The following PKD1L1 variants were observed in gnomAD, a reference collection of about 807,000 sequenced individuals.
PKD1L1 encodes the protein polycystin 1 like 1, transient receptor potential channel interacting.
A neutral mutation model predicts 323.4 loss-of-function variants in PKD1L1; 236 were observed. The ratio of observed to expected loss-of-function variants is 0.73; its 90% confidence interval spans 0.66 to 0.81. The LOEUF (loss-of-function observed/expected upper bound fraction) is 0.81. Among genes scored for constraint, PKD1L1 ranks in the 40% least tolerant of loss-of-function variants. The pLI is 0.00. For missense variants in PKD1L1, 3,320 were observed against 3,508.0 expected, an observed-to-expected ratio of 0.95 and a Z score of 1.35; for synonymous variants, 1,344 against 1,335.0, an observed-to-expected ratio of 1.01 and a Z score of -0.15.
intron 54 of PKD1L1, among the ~76,000 whole-genome samples, chr7:47,799,729 G>C (rs1402743078): frequency 6.6e-6 from 1 of 152,182 alleles, no homozygotes; most frequent in Admixed American, 6.5e-5. Flanking sequence ...GGGAAGGCAT[G>C]TTCAGTAAGT....
At position 47,790,136 on chromosome 7, in the gene PKD1L1, A is replaced by T. The variant is rs538912853; in HGVS notation, c.8526+2491T>A. Among the ~76,000 whole-genome samples, 13 of 151,968 alleles carry T rather than the reference A, an allele frequency of 8.6e-5. No homozygotes were observed. The East Asian group carries it at 2.3e-3, about 27-fold the overall frequency. On this transcript the variant is annotated intron_variant, in intron 56 of 56. Transcript: ENST00000289672. ...GATCTCCTGACCTTGTGATCCGCCC[A>T]CCTAGGCCTCCCGAAGTGCTATGAT...
intron 46 of PKD1L1, among the ~76,000 whole-genome samples, chr7:47,816,077 C>T (rs1009781996): frequency 1.8e-4 from 28 of 152,248 alleles, no homozygotes; most frequent in African/African-American, 6.3e-4. Flanking sequence ...AGAGGGAGCG[C>T]CGGGGCTAGG....
chr7:47,940,364 G>A (rs1484233233), intron 2 of PKD1L1, 47 bp from the exon 3 acceptor site: 3 of 1,581,682 alleles, frequency 1.9e-6, no homozygotes, highest in Non-Finnish European at 2.6e-6. Flanking sequence ...GCAATGTGCT[G>A]GGAAGGTGAG....
chr7:47,824,952 T>C (rs1785213256), intron 45 of PKD1L1, among the ~76,000 whole-genome samples: 1 of 152,214 alleles, frequency 6.6e-6, no homozygotes, highest in Non-Finnish European at 1.5e-5. Flanking sequence ...GTAAGAGTGA[T>C]TGTAAAAAGT....
intron 24 of PKD1L1, among the ~76,000 whole-genome samples, chr7:47,867,437 C>A (rs1786191128): frequency 6.6e-6 from 1 of 151,986 alleles, no homozygotes; most frequent in East Asian, 1.9e-4. Context: ...AACCAATGAC[C>A]AAACAAACAA....
upstream of PKD1L1, chr7:47,948,611 C>T (rs1322022496): frequency 3.3e-6 from 2 of 604,812 alleles, no homozygotes; most frequent in African/African-American, 3.7e-5. Context: ...AACATTTTCC[C>T]AAGCAGAAAC....
chr7:47,790,266 C>T (rs963430030), intron 56 of PKD1L1, among the ~76,000 whole-genome samples: 1 of 151,914 alleles, frequency 6.6e-6, no homozygotes, highest in African/African-American at 2.4e-5. Flanking sequence ...ATCATTTGCC[C>T]AATTTTCATA....
intron 31 of PKD1L1, among the ~76,000 whole-genome samples, chr7:47,848,105 G>T (rs1785702288): frequency 6.6e-6 from 1 of 152,076 alleles, no homozygotes; most frequent in Non-Finnish European, 1.5e-5. Flanking sequence ...CATCCTTTTG[G>T]CAAAGACGTG....
upstream of PKD1L1, among the ~76,000 whole-genome samples, chr7:47,949,368 C>CAAAAAAA (rs58131581): frequency 3.4e-3 from 194 of 57,134 alleles, 29 homozygotes; most frequent in African/African-American, 0.012. Context: ...GGCTCTGTCT[C>CAAAAAAA]AAAAAAAAAA....
intron 56 of PKD1L1, among the ~76,000 whole-genome samples, chr7:47,781,038 G>C (rs1786680534): frequency 6.6e-6 from 1 of 152,088 alleles, no homozygotes; most frequent in South Asian, 2.1e-4. Flanking sequence ...TGAGTGATGT[G>C]GTCTTTGCAT....
At position 47,855,186 on chromosome 7, in the gene PKD1L1, A is replaced by T; in HGVS notation, c.4670T>A (p.Val1557Glu). Residue 1557 changes from valine to glutamate, a missense_variant, in exon 29 of 57, where the codon GTG (valine) becomes GAG (glutamate). Val to Glu is a moderately radical substitution (Grantham distance 121, BLOSUM62 -2). Transcript: ENST00000289672. ...PINRQWLRKP[V>E]MVEFGEEDGL... Reference sequence around the variant, plus strand: ...ATCCTCCTCCCCAAACTCGACCATCACGGGTTTCCTTAGCCATTGCCTGTT... The same window carrying T: ...ATCCTCCTCCCCAAACTCGACCATCTCGGGTTTCCTTAGCCATTGCCTGTT... The T allele has an allele frequency of 3.1e-6, 5 of 1,614,188 alleles. No individual in the cohort carries two copies. Among genetic ancestry groups the T allele is most frequent in the Non-Finnish European group, 4.2e-6 (5 of 1,180,026 alleles).
chr7:47,899,913 A>G lies in PKD1L1; in HGVS notation c.2065-1719T>C, dbSNP rs1273766215. Among the ~76,000 whole-genome samples, 6 of 135,200 alleles carry G rather than the reference A, an allele frequency of 4.4e-5. No homozygotes were observed. In the East Asian group the frequency reaches 1.5e-3, roughly 34 times the overall value. 88.7% of individuals were successfully genotyped at this position (135,200 alleles called of 152,430 possible). On this transcript the variant is annotated intron_variant, in intron 13 of 56. Coordinates refer to ENST00000289672, the MANE Select transcript of PKD1L1 (RefSeq NM_138295.5). ...GGAGCTTGCAGTGAGCCCAGATTGC[A>G]CCACTGCACTCCCTCCTAGGCAACA...
chr7:47,860,128 A>G (rs1232380595), intron 26 of PKD1L1, among the ~76,000 whole-genome samples: 1 of 152,234 alleles, frequency 6.6e-6, no homozygotes. Context: ...TGAACACTTT[A>G]GTGTGTAGTG....
intron 42 of PKD1L1, 73 bp from the exon 43 acceptor site, chr7:47,830,197 G>T: frequency 7.7e-7 from 1 of 1,295,424 alleles, no homozygotes; most frequent in Non-Finnish European, 1.1e-6. Flanking sequence ...TGCTGCCTAA[G>T]CACAGGGACA....
At chr7:47,893,353 G>A (rs959909700) in intron 15 of PKD1L1, among the ~76,000 whole-genome samples, 5 of 152,014 alleles carry the variant, frequency 3.3e-5, no homozygotes, top group East Asian at 1.9e-4. Flanking sequence ...CAGAGGGGGC[G>A]CTGTAGGGAC....
At chr7:47,925,533 TA>T (rs1787639902) in intron 7 of PKD1L1, among the ~76,000 whole-genome samples, 1 of 152,176 alleles carries the variant, frequency 6.6e-6, no homozygotes, top group South Asian at 2.1e-4. Flanking sequence ...CTCTCCAACC[TA>T]CTGAATGGAC....
At chr7:47,803,138 T>C in intron 53 of PKD1L1, 72 bp downstream of exon 53, 1 of 1,578,132 alleles carries the variant, frequency 6.3e-7, no homozygotes, top group Non-Finnish European at 8.7e-7. Context: ...GTTTTTCCCT[T>C]GAGAAAGGCT....
At chr7:47,915,165 A>G (rs1466728802) in intron 8 of PKD1L1, among the ~76,000 whole-genome samples, 1 of 152,226 alleles carries the variant, frequency 6.6e-6, no homozygotes, top group African/African-American at 2.4e-5. Context: ...CCTCCTCTAA[A>G]TGATCAGTCC....
At chr7:47,930,695 G>A (rs781506383) in intron 6 of PKD1L1, among the ~76,000 whole-genome samples, 2 of 151,800 alleles carry the variant, frequency 1.3e-5, no homozygotes, top group African/African-American at 2.4e-5. Context: ...CATGCCTGTA[G>A]TCCCAGCTAC....
Sources: allele counts gnomAD v4.1 joint callset (sites outside exome capture counted in the v4.1 genomes callset), GRCh38; gene constraint gnomAD v4.1.1; transcripts MANE v1.5; gene names NCBI Gene and HGNC (gene_info 2026-07-23, HGNC 2026-07-21).